SRPRB: variants seen among roughly 807,000 people sequenced by gnomAD.
SRPRB encodes the protein signal recognition particle receptor subunit beta.
SRPRB carries 20 observed loss-of-function variants against 31.9 expected under a neutral mutation model. The observed-to-expected ratio is 0.63, with a 90% CI of 0.44 to 0.91. The LOEUF is 0.91. Ranked by LOEUF, SRPRB falls within the 40% of genes least tolerant of loss-of-function variation. The pLI is 0.00. For synonymous variants in SRPRB, 146 were observed against 132.8 expected (o/e 1.10, Z -0.68); for missense variants, 321 against 324.9 (o/e 0.99, Z 0.09).
At chr3:133,784,904 C>T (rs1172890102) in intron 1 of SRPRB, 3 of 152,324 alleles carry the variant, frequency 2.0e-5, no homozygotes, top group Non-Finnish European at 4.4e-5. Context: ...TTTTATTTCT[C>T]ACGACTGTAT....
chr3:133,811,279 G>T (rs1407803018), intron 4 of SRPRB, 80 bp downstream of exon 4: 8 of 1,448,480 alleles, frequency 5.5e-6, no homozygotes, highest in Non-Finnish European at 7.7e-6. Flanking sequence ...TGCTCTGGTG[G>T]TGTTTGGGAG....
At chr3:133,822,637 G>T (rs770768353), downstream of SRPRB, among the ~76,000 whole-genome samples, 3 of 152,204 alleles carry the variant, frequency 2.0e-5, no homozygotes, top group Non-Finnish European at 4.4e-5. Context: ...GTCCTGCCTT[G>T]TATGAAGCGC....
chr3:133,804,737 T>C (rs1935120206), upstream of SRPRB, among the ~76,000 whole-genome samples: 1 of 151,936 alleles, frequency 6.6e-6, no homozygotes, highest in Admixed American at 6.6e-5. Context: ...AAAAAAAAAA[T>C]ACAAGTGACT....
rs370397160 is a variant in SRPRB, at chr3:133,807,826, A to G, written c.327+3A>G. The G allele has an allele frequency of 1.5e-4, 234 of 1,604,566 alleles. No individual in the cohort carries two copies. Among genetic ancestry groups the G allele is most frequent in the Non-Finnish European group, 1.8e-4 (212 of 1,177,148 alleles). Reference sequence around the variant, plus strand: ...TATACAGAGTCAACAATAACAGGGTAAGATGTTTGTGGAGTTTTGGAGTCT... The same window carrying G: ...TATACAGAGTCAACAATAACAGGGTGAGATGTTTGTGGAGTTTTGGAGTCT... On this transcript the variant is annotated splice_donor_region_variant and intron_variant, in intron 3 of 6. Transcript: ENST00000678299.
chr3:133,787,750 A>C (rs1328802531), intron 1 of SRPRB: 1 of 152,236 alleles, frequency 6.6e-6, no homozygotes, highest in Non-Finnish European at 1.5e-5. Context: ...AATGCATTGC[A>C]AGTAACTTTG....
intron 3 of SRPRB, among the ~76,000 whole-genome samples, chr3:133,809,312 G>C (rs1362767852): frequency 6.6e-6 from 1 of 152,188 alleles, no homozygotes; most frequent in Non-Finnish European, 1.5e-5. Context: ...GTTTCGGTGA[G>C]TGAGTGGAGT....
Position 133,816,860 on chromosome 3 carries a change from GTCTT to G in SRPRB, c.548-16_548-13del, listed in dbSNP as rs770542550. 1.9e-6 allele frequency: 3 copies of G among 1,598,980 alleles called. No individual in the cohort carries two copies. Among genetic ancestry groups the G allele is most frequent in the South Asian group, 2.3e-5 (2 of 87,770 alleles). On this transcript the variant is annotated splice_polypyrimidine_tract_variant and intron_variant, in intron 5 of 6. Coordinates refer to ENST00000678299, the MANE Select transcript of SRPRB (RefSeq NM_001379313.1). The stretch of plus-strand genomic sequence containing the variant: ...TCATTCTCGTTTAAACTACAACAGT[GTCTT>G]TATTTCTTTACAGATATTGCAATGG...
In SRPRB at chr3:133,820,052, G is replaced by A. The variant is rs753896736; in HGVS notation, c.*286G>A. ...TAGGGTCAAGGTTTTTGTGACAACAGGCAGACTCCACACAGAGAGGATATG... is the reference window on the plus strand; with the variant it reads ...TAGGGTCAAGGTTTTTGTGACAACAAGCAGACTCCACACAGAGAGGATATG... On this transcript the variant is annotated 3_prime_UTR_variant, in exon 7 of 7. Transcript: ENST00000678299. 8.3e-5 allele frequency: 31 copies of A among 375,352 alleles called. No individual in the cohort carries two copies. The highest frequency in any genetic ancestry group is 1.3e-4 in the Non-Finnish European group (27 of 202,238). The allele number at this position is 375,352 out of a possible 1,614,324, so 23.3% of individuals were successfully genotyped here.
intron 1 of SRPRB, chr3:133,795,238 G>A (rs1934936313): frequency 6.6e-6 from 1 of 152,254 alleles, no homozygotes; most frequent in Non-Finnish European, 1.5e-5. Context: ...AGTTTAGGAG[G>A]TTTGGTTTAT....
chr3:133,816,955 G>C (rs1028231323), intron 6 of SRPRB, 23 bp downstream of exon 6: 11 of 1,599,174 alleles, frequency 6.9e-6, no homozygotes, highest in Non-Finnish European at 8.5e-6. Flanking sequence ...GAGGCCTGTT[G>C]GTTAATTATA....
chr3:133,799,282 A>G (rs1373664466), intron 1 of SRPRB, among the ~76,000 whole-genome samples: 4 of 152,224 alleles, frequency 2.6e-5, no homozygotes, highest in Admixed American at 2.6e-4. Context: ...ATGAAATCCT[A>G]AATTTCCATC....
intron 4 of SRPRB, 150 bp from the exon 5 acceptor site, chr3:133,815,440 G>A: frequency 1.2e-6 from 1 of 859,432 alleles, no homozygotes; most frequent in Non-Finnish European, 1.8e-6. Flanking sequence ...GAGGATTTAT[G>A]TTATATGATA....
At chr3:133,811,477 T>C (rs1935260822) in intron 4 of SRPRB, among the ~76,000 whole-genome samples, 1 of 152,166 alleles carries the variant, frequency 6.6e-6, no homozygotes, top group Non-Finnish European at 1.5e-5. Context: ...ATTCTGAAGG[T>C]GAATTTAATA....
chr3:133,799,972 C>T (rs111285664), intron 1 of SRPRB, among the ~76,000 whole-genome samples: 1,987 of 152,272 alleles, frequency 0.013, 53 homozygotes, highest in African/African-American at 0.045. Context: ...AATGACAGCA[C>T]GCTTTCAGTA....
intron 1 of SRPRB, among the ~76,000 whole-genome samples, chr3:133,799,462 A>G (rs186799452): frequency 5.9e-5 from 9 of 152,342 alleles, no homozygotes; most frequent in African/African-American, 1.9e-4. Context: ...AAACATGAAC[A>G]TATATGCTTG....
intron 1 of SRPRB, 26 bp from the exon 2 acceptor site, chr3:133,806,583 G>A (rs1935164810): frequency 2.5e-6 from 4 of 1,597,864 alleles, no homozygotes; most frequent in East Asian, 2.2e-5. Context: ...CGTAATTTTT[G>A]TTGTTTTTCT....
downstream of SRPRB, chr3:133,826,486 G>C (rs1935565493): frequency 6.6e-6 from 1 of 152,644 alleles, no homozygotes; most frequent in Admixed American, 6.5e-5. Flanking sequence ...CTGTAAATGG[G>C]GCGGTCTCAG....
intron 4 of SRPRB, among the ~76,000 whole-genome samples, chr3:133,811,933 A>G (rs1392535230): frequency 2.0e-5 from 3 of 152,098 alleles, no homozygotes; most frequent in Admixed American, 6.5e-5. Flanking sequence ...GTACAGAACA[A>G]TATTTCCATA....
At chr3:133,813,017 A>C (rs1242162374) in intron 4 of SRPRB, among the ~76,000 whole-genome samples, 1 of 152,088 alleles carries the variant, frequency 6.6e-6, no homozygotes, top group Admixed American at 6.5e-5. Context: ...TTGTAACTCT[A>C]TTTGGCCAGC....
Sources: gnomAD v4.1 joint callset for allele counts (sites outside exome capture counted in the v4.1 genomes callset) on GRCh38, gnomAD v4.1.1 for gene constraint, MANE v1.5 for transcripts, NCBI Gene and HGNC (gene_info 2026-07-23, HGNC 2026-07-21) for gene names.